The following CCDC102B variants were observed in gnomAD, a reference collection of about 807,000 sequenced individuals.
The protein encoded by CCDC102B is coiled-coil domain-containing protein 102B.
A neutral mutation model predicts 57.4 loss-of-function variants in CCDC102B; 75 were observed. That is an observed-to-expected ratio of 1.31 (90% CI 1.08 to 1.58). CCDC102B has a LOEUF of 1.58. Among genes scored for constraint, CCDC102B ranks in the 40% most tolerant of loss-of-function variants. The pLI is 0.00. For synonymous variants in CCDC102B, 206 were observed against 201.9 expected (o/e 1.02, Z -0.17); for missense variants, 636 against 582.6 (o/e 1.09, Z -0.94).
intron 2 of CCDC102B, among the ~76,000 whole-genome samples, chr18:68,724,405 C>T (rs1030027730): frequency 5.9e-5 from 9 of 152,174 alleles, no homozygotes; most frequent in South Asian, 2.1e-4. Context: ...TCTATCCTAT[C>T]GTCAGGCTGC....
intron 6 of CCDC102B, among the ~76,000 whole-genome samples, chr18:69,006,575 C>T (rs1966693241): frequency 1.3e-5 from 2 of 149,088 alleles, no homozygotes; most frequent in South Asian, 4.2e-4. Flanking sequence ...GCACATGCCA[C>T]CACACAGGGC....
intron 4 of CCDC102B, among the ~76,000 whole-genome samples, chr18:68,856,684 T>C (rs2038400776): frequency 6.6e-6 from 1 of 152,132 alleles, no homozygotes; most frequent in African/African-American, 2.4e-5. Context: ...AGGGAGCTTA[T>C]AGAATAATCT....
intron 7 of CCDC102B, among the ~76,000 whole-genome samples, chr18:69,024,244 G>C (rs890153695): frequency 6.6e-6 from 1 of 151,996 alleles, no homozygotes. Context: ...AGGTTTGTCA[G>C]GCAAGTGATT....
intron 4 of CCDC102B, among the ~76,000 whole-genome samples, chr18:68,853,702 A>T (rs950111003): frequency 6.9e-6 from 1 of 145,046 alleles, no homozygotes; most frequent in African/African-American, 2.7e-5. Flanking sequence ...AAAAAAAAAA[A>T]TCTGACTCAA....
intron 2 of CCDC102B, among the ~76,000 whole-genome samples, chr18:68,728,967 G>A (rs998099927): frequency 1.3e-5 from 2 of 151,620 alleles, no homozygotes; most frequent in African/African-American, 4.8e-5. Flanking sequence ...TGTATTCTGC[G>A]GGAGTAAATT....
chr18:68,743,676 T>G (rs1955434348), intron 2 of CCDC102B, among the ~76,000 whole-genome samples: 1 of 152,162 alleles, frequency 6.6e-6, no homozygotes, highest in South Asian at 2.1e-4. Flanking sequence ...TTCAGATACA[T>G]GAACTCCTGA....
chr18:68,862,499 A>G (rs1272575597), intron 4 of CCDC102B, among the ~76,000 whole-genome samples: 1 of 152,172 alleles, frequency 6.6e-6, no homozygotes, highest in Non-Finnish European at 1.5e-5. Flanking sequence ...TAAAAATTTT[A>G]TGATTCAGTA....
At chr18:68,797,299 G>GT (rs2035664210), upstream of CCDC102B, among the ~76,000 whole-genome samples, 1 of 152,016 alleles carries the variant, frequency 6.6e-6, no homozygotes, top group Admixed American at 6.6e-5. Flanking sequence ...TTCAAATGTT[G>GT]TTTTTTTGCT....
intron 2 of CCDC102B, among the ~76,000 whole-genome samples, chr18:68,781,971 A>C (rs1353799959): frequency 6.6e-6 from 1 of 152,092 alleles, no homozygotes; most frequent in Non-Finnish European, 1.5e-5. Flanking sequence ...TACTGAAGCT[A>C]CTTTTATTAT....
chr18:68,717,249 A>G (rs1301991610), intron 2 of CCDC102B, among the ~76,000 whole-genome samples: 1 of 152,172 alleles, frequency 6.6e-6, no homozygotes, highest in African/African-American at 2.4e-5. Flanking sequence ...TCTCTATAAA[A>G]TAAATACCAA....
At chr18:68,870,398 A>G (rs1322587712) in intron 4 of CCDC102B, among the ~76,000 whole-genome samples, 2 of 152,154 alleles carry the variant, frequency 1.3e-5, no homozygotes, top group African/African-American at 2.4e-5. Flanking sequence ...TCGACCCTTG[A>G]TCTCCCACGC....
At chr18:68,852,965 A>G (rs577671499) in intron 4 of CCDC102B, among the ~76,000 whole-genome samples, 1 of 152,250 alleles carries the variant, frequency 6.6e-6, no homozygotes, top group African/African-American at 2.4e-5. Flanking sequence ...CAGGATGTAA[A>G]TATGATCACA....
chr18:68,997,541 A>T (rs1451914886), intron 6 of CCDC102B, among the ~76,000 whole-genome samples: 2 of 152,198 alleles, frequency 1.3e-5, no homozygotes, highest in Non-Finnish European at 2.9e-5. Flanking sequence ...TGTAAAATGT[A>T]CATGTCAAGT....
chr18:68,939,673 A>C (rs918269001), intron 6 of CCDC102B, among the ~76,000 whole-genome samples: 3 of 151,858 alleles, frequency 2.0e-5, no homozygotes. Flanking sequence ...AGAAGGTTGC[A>C]ATAGATTATG....
At chr18:68,754,989 T>C (rs1238494163) in intron 2 of CCDC102B, 2 of 152,468 alleles carry the variant, frequency 1.3e-5, no homozygotes, top group Non-Finnish European at 2.9e-5. Context: ...AAATAAACTT[T>C]TGTTGTTTAT....
chr18:68,831,554 G>T (rs1758072270), intron 1 of CCDC102B, among the ~76,000 whole-genome samples: 1 of 152,056 alleles, frequency 6.6e-6, no homozygotes, highest in Admixed American at 6.5e-5. Context: ...TTGGCAAGTT[G>T]TTCAGATTTA....
intron 4 of CCDC102B, among the ~76,000 whole-genome samples, chr18:68,863,145 A>G (rs971450372): frequency 6.7e-6 from 1 of 149,982 alleles, no homozygotes; most frequent in African/African-American, 2.4e-5. Flanking sequence ...TAAAGGGCAG[A>G]CATCTTGATT....
chr18:68,832,109 A>G (rs545588460), intron 1 of CCDC102B, among the ~76,000 whole-genome samples: 3 of 113,128 alleles, frequency 2.7e-5, no homozygotes, highest in South Asian at 3.4e-4. Flanking sequence ...GCTTTTTAGG[A>G]AAAAAAAAAT....
At chr18:68,930,216 TTATA>T (rs1331566974) in intron 6 of CCDC102B, among the ~76,000 whole-genome samples, 1 of 148,504 alleles carries the variant, frequency 6.7e-6, no homozygotes, top group Admixed American at 6.8e-5. Flanking sequence ...AGTTTATACA[TTATA>T]TAATTATATA....
Sources: allele counts gnomAD v4.1 joint callset (sites outside exome capture counted in the v4.1 genomes callset), GRCh38; gene constraint gnomAD v4.1.1; transcripts MANE v1.5; gene names NCBI Gene and HGNC (gene_info 2026-07-23, HGNC 2026-07-21).